Variants in SGCZ observed in about 807,000 individuals in gnomAD.
SGCZ encodes zeta-sarcoglycan.
A neutral mutation model predicts 41.3 loss-of-function variants in SGCZ; 40 were observed. That is an observed-to-expected ratio of 0.97 (90% CI 0.75 to 1.26). The LOEUF is 1.26. Ranked by LOEUF, SGCZ falls within the 50% of genes most tolerant of loss-of-function variation. SGCZ has a pLI of 0.00. For missense variants in SGCZ, 552 were observed against 369.8 expected (o/e 1.49, Z -4.04); for synonymous variants, 206 against 137.5 (o/e 1.50, Z -3.49).
In SGCZ at chr8:14,720,619, C is replaced by T. The variant is rs1301653007; in HGVS notation, c.40-165693G>A. Among the ~76,000 whole-genome samples, 3 of 152,068 alleles carry T rather than the reference C, an allele frequency of 2.0e-5. No individual in the cohort carries two copies. The East Asian group carries it at 5.8e-4, about 30-fold the overall frequency. ...TCTGGCTCACAAGTAAAATCTGGCC[C>T]TCTGCCTGTTTCATAAGTAAGTTTT... is the stretch of plus-strand genomic sequence containing the variant. On this transcript the variant is annotated intron_variant, in intron 1 of 7. Coordinates refer to ENST00000382080, the MANE Select transcript of SGCZ (RefSeq NM_139167.4).
chr8:15,051,292 C>T (rs1804504495), intron 1 of SGCZ, among the ~76,000 whole-genome samples: 1 of 152,190 alleles, frequency 6.6e-6, no homozygotes, highest in South Asian at 2.1e-4. Flanking sequence ...ATTCTTAATG[C>T]ATCTGGCTTC....
chr8:14,435,477 T>C (rs963532871), intron 2 of SGCZ, among the ~76,000 whole-genome samples: 1 of 152,160 alleles, frequency 6.6e-6, no homozygotes, highest in Non-Finnish European at 1.5e-5. Context: ...TCCTGTTTGT[T>C]CTTATATCCC....
chr8:15,037,409 C>A (rs536346693), intron 1 of SGCZ, among the ~76,000 whole-genome samples: 1 of 152,296 alleles, frequency 6.6e-6, no homozygotes, highest in African/African-American at 2.4e-5. Context: ...CCCTGCAGAA[C>A]TGTTAGTCAA....
intron 2 of SGCZ, among the ~76,000 whole-genome samples, chr8:14,524,547 A>T (rs74379819): frequency 6.6e-6 from 1 of 152,122 alleles, no homozygotes; most frequent in Non-Finnish European, 1.5e-5. Flanking sequence ...GAAGAGCTCA[A>T]TTACATGGGA....
At chr8:14,362,837 A>T (rs1473368090) in intron 2 of SGCZ, among the ~76,000 whole-genome samples, 1 of 152,206 alleles carries the variant, frequency 6.6e-6, no homozygotes, top group Non-Finnish European at 1.5e-5. Flanking sequence ...AAGCTACCCT[A>T]CACGATTCCT....
rs1399293980 is a variant in SGCZ at position 14,211,646 on chromosome 8, A to C, written c.424+25946T>G. On this transcript the variant is annotated intron_variant, in intron 4 of 7. Transcript: ENST00000382080. ...AGGGAAGCACGTCTTACCACAATTAAGCAGGAGAGAGAGAGAGAGAGAGAG... is the reference window on the plus strand; with the variant it reads ...AGGGAAGCACGTCTTACCACAATTACGCAGGAGAGAGAGAGAGAGAGAGAG... Among the ~76,000 whole-genome samples, 4 of 143,416 alleles carry C rather than the reference A, an allele frequency of 2.8e-5. No individual in the cohort carries two copies. The East Asian group carries it at 7.9e-4, about 28-fold the overall frequency. The allele number at this position is 143,416 out of a possible 152,430, so 94.1% of individuals were successfully genotyped here. A position where few individuals can be genotyped will look rare whatever the true frequency, so the allele number is the denominator to read the frequency against.
At chr8:14,578,073 C>T (rs555584478) in intron 1 of SGCZ, among the ~76,000 whole-genome samples, 2 of 152,190 alleles carry the variant, frequency 1.3e-5, no homozygotes, top group East Asian at 1.9e-4. Context: ...ACTCATCATA[C>T]TCCACCTTGA....
chr8:14,853,985 T>C (rs1391404796), intron 1 of SGCZ, among the ~76,000 whole-genome samples: 1 of 146,356 alleles, frequency 6.8e-6, no homozygotes, highest in African/African-American at 2.5e-5. Flanking sequence ...CCTAAGTCAT[T>C]CATTTTGTAA....
chr8:14,094,995 C>T (rs1339006731), intron 7 of SGCZ, among the ~76,000 whole-genome samples: 2 of 149,580 alleles, frequency 1.3e-5, no homozygotes, highest in African/African-American at 4.9e-5. Context: ...TTTCTTGTAA[C>T]TTTAAGTTCT....
chr8:14,496,720 C>A (rs535242108), intron 2 of SGCZ, among the ~76,000 whole-genome samples: 1 of 151,970 alleles, frequency 6.6e-6, no homozygotes, highest in Non-Finnish European at 1.5e-5. Context: ...TTCTTTTATT[C>A]CTTTTCCCTA....
At chr8:14,335,987 G>C (rs1469194897) in intron 2 of SGCZ, among the ~76,000 whole-genome samples, 2 of 151,888 alleles carry the variant, frequency 1.3e-5, no homozygotes, top group Non-Finnish European at 1.5e-5. Context: ...ATGTCATAGG[G>C]GTTTGTTATA....
intron 2 of SGCZ, among the ~76,000 whole-genome samples, chr8:14,439,283 G>T (rs4831295): frequency 1.4e-5 from 2 of 142,424 alleles, no homozygotes; most frequent in Non-Finnish European, 3.1e-5. Context: ...ACAGTCCCTT[G>T]ATTAAAGAAA....
intron 1 of SGCZ, among the ~76,000 whole-genome samples, chr8:14,958,730 A>G (rs992731639): frequency 2.2e-4 from 34 of 152,156 alleles, no homozygotes; most frequent in African/African-American, 8.0e-4. Context: ...TCAAAAGTAT[A>G]AAAACTAAAA....
At chr8:15,071,338 C>G (rs1206462824) in intron 1 of SGCZ, among the ~76,000 whole-genome samples, 5 of 152,128 alleles carry the variant, frequency 3.3e-5, no homozygotes, top group African/African-American at 1.2e-4. Context: ...AAATAATTAG[C>G]TAGATTTCTT....
intron 4 of SGCZ, among the ~76,000 whole-genome samples, chr8:14,210,424 T>C (rs1368271629): frequency 6.6e-6 from 1 of 151,886 alleles, no homozygotes; most frequent in Non-Finnish European, 1.5e-5. Context: ...CCCTTAATTG[T>C]TCCCTTTCTA....
intron 5 of SGCZ, among the ~76,000 whole-genome samples, chr8:14,115,607 T>C (rs1164258429): frequency 6.6e-6 from 1 of 152,062 alleles, no homozygotes; most frequent in Non-Finnish European, 1.5e-5. Context: ...AATACAGATA[T>C]GATAGCTGAT....
At chr8:14,922,205 A>G (rs951029627) in intron 1 of SGCZ, among the ~76,000 whole-genome samples, 1 of 151,850 alleles carries the variant, frequency 6.6e-6, no homozygotes, top group Non-Finnish European at 1.5e-5. Context: ...CACAAGCAGA[A>G]AATGACTGCG....
chr8:15,141,004 G>A (rs1427379600), intron 1 of SGCZ, among the ~76,000 whole-genome samples: 1 of 152,170 alleles, frequency 6.6e-6, no homozygotes, highest in East Asian at 1.9e-4. Context: ...AAACTATGAT[G>A]ACATAAACTT....
In SGCZ at chr8:14,777,642, A is replaced by G. The variant is rs925433084; in HGVS notation, c.40-222716T>C. ...AAGACATACGCATATCCATGTTCAC[A>G]GGAAATGTACATTGAAGTATTTAGA... is the stretch of plus-strand genomic sequence containing the variant. On this transcript the variant is annotated intron_variant, in intron 1 of 7. Coordinates refer to ENST00000382080, the MANE Select transcript of SGCZ (RefSeq NM_139167.4). 2.0e-5 allele frequency among the ~76,000 whole-genome samples: 3 copies of G among 152,298 alleles called. No individual in the cohort carries two copies. The East Asian group carries it at 5.8e-4, about 29-fold the overall frequency.
Sources: allele counts gnomAD v4.1 joint callset (sites outside exome capture counted in the v4.1 genomes callset), GRCh38; gene constraint gnomAD v4.1.1; transcripts MANE v1.5; gene names NCBI Gene and HGNC (gene_info 2026-07-23, HGNC 2026-07-21).